TANC2: variants seen among roughly 807,000 people sequenced by gnomAD.
The protein encoded by TANC2 is tetratricopeptide repeat, ankyrin repeat and coiled-coil containing 2, also known as protein TANC2.
In TANC2, 26 loss-of-function variants were observed where a neutral mutation model predicts 210.5. The ratio of observed to expected loss-of-function variants is 0.12; its 90% CI spans 0.09 to 0.17. The LOEUF is 0.17. TANC2 is among the 10% of genes least tolerant of loss of function. The probability of loss-of-function intolerance (pLI) is 1.00; values close to 1 mark genes in which losing one functional copy is unlikely to be tolerated. For missense variants in TANC2, 2,129 were observed against 2,608.9 expected, an observed-to-expected ratio of 0.82 and a Z score of 4.01; for synonymous variants, 931 against 967.1, an observed-to-expected ratio of 0.96 and a Z score of 0.69.
chr17:63,413,463 A>C, intron 24 of TANC2, 80 bp from the exon 25 acceptor site: 1 of 1,093,410 alleles, frequency 9.1e-7, no homozygotes. Context: ...AAATTCCCCT[A>C]GGGTATTTTT....
At chr17:63,355,824 T>C (rs1431913313) in intron 14 of TANC2, among the ~76,000 whole-genome samples, 1 of 152,218 alleles carries the variant, frequency 6.6e-6, no homozygotes, top group East Asian at 1.9e-4. Context: ...AAGTTTCCAG[T>C]GACTAAATCC....
chr17:63,357,990 G>C (rs540770428), intron 14 of TANC2, among the ~76,000 whole-genome samples: 1 of 152,358 alleles, frequency 6.6e-6, no homozygotes, highest in South Asian at 2.1e-4. Flanking sequence ...TCTCTGTGGT[G>C]TAAGGAGAGC....
At chr17:63,277,547 C>G (rs1449403588) in intron 9 of TANC2, among the ~76,000 whole-genome samples, 3 of 151,664 alleles carry the variant, frequency 2.0e-5, no homozygotes, top group Non-Finnish European at 4.4e-5. Flanking sequence ...CATCCTTGTT[C>G]AGTTAGTGTG....
At chr17:63,070,249 A>G (rs2036347841) in intron 2 of TANC2, among the ~76,000 whole-genome samples, 1 of 152,180 alleles carries the variant, frequency 6.6e-6, no homozygotes, top group Admixed American at 6.5e-5. Flanking sequence ...TTCACAGTGC[A>G]TTGTGCACTT....
intron 5 of TANC2, among the ~76,000 whole-genome samples, chr17:63,190,761 A>C (rs2041157860): frequency 6.6e-6 from 1 of 152,216 alleles, no homozygotes; most frequent in Non-Finnish European, 1.5e-5. Context: ...TTTGATACAC[A>C]CAATATGGAT....
chr17:63,377,464 G>A lies in TANC2; in HGVS notation c.2583-2254G>A, dbSNP rs2047460755. The stretch of plus-strand genomic sequence containing the variant: ...CAGATCTCTGGGGCAAGGGCAAAAT[G>A]CCACCAGTCTCTGCTAAAGCATAGC... On this transcript the variant is annotated intron_variant, in intron 14 of 27. Transcript: ENST00000689528. Among the ~76,000 whole-genome samples, 5 of 152,134 alleles carry A rather than the reference G, an allele frequency of 3.3e-5. No homozygotes were observed. The South Asian group carries it at 1.0e-3, about 32-fold the overall frequency.
chr17:63,197,337 C>A (rs149021305), intron 6 of TANC2, among the ~76,000 whole-genome samples: 3 of 152,078 alleles, frequency 2.0e-5, no homozygotes, highest in African/African-American at 4.8e-5. Context: ...TAAATGATAG[C>A]CTTCTTGCAG....
chr17:63,319,142 G>T, intron 11 of TANC2, 52 bp downstream of exon 11: 9 of 1,562,142 alleles, frequency 5.8e-6, no homozygotes, highest in Non-Finnish European at 7.8e-6. Flanking sequence ...TTAATATCAA[G>T]GAAGCAAAGA....
At chr17:63,250,890 T>C (rs1294091622) in intron 8 of TANC2, among the ~76,000 whole-genome samples, 2 of 152,152 alleles carry the variant, frequency 1.3e-5, no homozygotes, top group Non-Finnish European at 2.9e-5. Context: ...AGGGGGATCA[T>C]GAATATCTGA....
intron 9 of TANC2, among the ~76,000 whole-genome samples, chr17:63,309,264 C>T (rs1177371203): frequency 2.0e-5 from 3 of 152,108 alleles, no homozygotes; most frequent in Middle Eastern, 3.2e-3. Context: ...ATTTTAAGGT[C>T]AAATTGGCAT....
At chr17:63,350,890 A>G (rs983357854) in intron 12 of TANC2, among the ~76,000 whole-genome samples, 2 of 152,012 alleles carry the variant, frequency 1.3e-5, no homozygotes, top group African/African-American at 2.4e-5. Context: ...AAAAAAAAAA[A>G]AAAACAGAAC....
At chr17:62,993,715 C>A (rs2032976962) in intron 1 of TANC2, among the ~76,000 whole-genome samples, 1 of 151,896 alleles carries the variant, frequency 6.6e-6, no homozygotes, top group Admixed American at 6.6e-5. Context: ...TTGTTTGAGG[C>A]CAGGAGTTTG....
intron 9 of TANC2, among the ~76,000 whole-genome samples, chr17:63,309,455 C>A (rs2045042423): frequency 6.6e-6 from 1 of 151,986 alleles, no homozygotes; most frequent in African/African-American, 2.4e-5. Context: ...CAAAGATAAA[C>A]ATTTTTAAAT....
At chr17:63,073,966 G>T in exon 3 of TANC2, 1 of 1,589,490 alleles carries the variant, frequency 6.3e-7, no homozygotes, top group East Asian at 2.3e-5. Flanking sequence ...GGAACCACCG[G>T]ATCGAAGACA....
intron 4 of TANC2, 101 bp from the exon 5 acceptor site, chr17:63,151,169 C>T: frequency 2.2e-6 from 1 of 447,632 alleles, no homozygotes; most frequent in Non-Finnish European, 3.0e-6. Flanking sequence ...TCTCTCTTTC[C>T]CTTTTTCCTT....
chr17:63,272,636 A>C (rs2043747810), intron 9 of TANC2, among the ~76,000 whole-genome samples: 3 of 152,236 alleles, frequency 2.0e-5, no homozygotes, highest in Non-Finnish European at 4.4e-5. Context: ...TTCTTTGAGC[A>C]GTGTTTTGAA....
intron 13 of TANC2, among the ~76,000 whole-genome samples, chr17:63,354,334 A>T (rs965399514): frequency 2.0e-5 from 3 of 151,846 alleles, no homozygotes; most frequent in Non-Finnish European, 4.4e-5. Flanking sequence ...TGTGTGGGAA[A>T]TTTTTTTTTA....
Position 63,411,628 on chromosome 17 carries a change from C to T in TANC2, c.3707C>T (p.Ala1236Val). The T allele has an allele frequency of 1.9e-6, 3 of 1,613,974 alleles. No homozygotes were observed. The South Asian group carries it at 3.3e-5, about 18-fold the overall frequency. ...GATAACGGAGCTGCCACAGACCATG[C>T]TGACAAGAATGGCCGTACCCCACTG... Residue 1236 changes from alanine (A) to valine (V), a missense_variant, in exon 22 of 28, where the codon GCT becomes GTT. Ala to Val is a moderately conservative substitution (Grantham distance 64). This residue lies in a region of TANC2 where 644 missense variants were observed against 937.5 expected (regional missense o/e 0.69). Coordinates refer to ENST00000689528, the Ensembl canonical transcript of TANC2.
At chr17:63,378,698 C>G (rs973435723) in intron 14 of TANC2, among the ~76,000 whole-genome samples, 9 of 152,166 alleles carry the variant, frequency 5.9e-5, no homozygotes, top group African/African-American at 2.2e-4. Flanking sequence ...GGAACAGATG[C>G]TATCAGGAAC....
Sources: allele counts gnomAD v4.1 joint callset (sites outside exome capture counted in the v4.1 genomes callset), GRCh38; gene constraint gnomAD v4.1.1; regional missense constraint gnomAD v4.1.1; transcripts MANE v1.5; gene names NCBI Gene and HGNC (gene_info 2026-07-23, HGNC 2026-07-21).